Variants in RAD51B observed in about 807,000 individuals in gnomAD.
RAD51B encodes the protein DNA repair protein RAD51 homolog 2.
Under a neutral mutation model 42.2 loss-of-function variants are expected in RAD51B, and 38 were observed. The observed-to-expected ratio is 0.90, with a 90% confidence interval of 0.70 to 1.18. The LOEUF (loss-of-function observed/expected upper bound fraction) is 1.18. Among genes scored for constraint, RAD51B ranks in the 50% most tolerant of loss-of-function variants. The pLI is 0.00. For synonymous variants in RAD51B, 154 were observed against 145.2 expected (o/e 1.06, Z -0.43); for missense variants, 373 against 400.7 (o/e 0.93, Z 0.59).
chr14:68,002,170 A>G (rs1034926193), intron 7 of RAD51B, among the ~76,000 whole-genome samples: 5 of 152,176 alleles, frequency 3.3e-5, no homozygotes, highest in African/African-American at 9.7e-5. Context: ...CCAACAGTGT[A>G]AAAGTGTTCC....
chr14:68,027,777 G>A (rs2140362872), intron 7 of RAD51B, among the ~76,000 whole-genome samples: 2 of 152,212 alleles, frequency 1.3e-5, no homozygotes, highest in Middle Eastern at 6.8e-3. Flanking sequence ...TCAACTTTCT[G>A]CTGAATCTAG....
chr14:68,277,566 T>G (rs910684437), intron 7 of RAD51B, among the ~76,000 whole-genome samples: 3 of 152,204 alleles, frequency 2.0e-5, no homozygotes, highest in African/African-American at 2.4e-5. Context: ...AATATATACC[T>G]TATTGATGTT....
intron 7 of RAD51B, among the ~76,000 whole-genome samples, chr14:67,959,251 A>AT (rs879532529): frequency 1.2e-3 from 174 of 145,510 alleles, no homozygotes; most frequent in African/African-American, 2.5e-3. Context: ...TTTGGTCAAT[A>AT]TTTTTTTTTT....
intron 9 of RAD51B, among the ~76,000 whole-genome samples, chr14:68,439,134 G>C (rs2085218070): frequency 1.3e-5 from 2 of 149,304 alleles, no homozygotes; most frequent in African/African-American, 5.0e-5. Context: ...AGAAGTATGA[G>C]AGAAGCCATG....
chr14:67,942,371 C>T lies in RAD51B; in HGVS notation c.756+55167C>T, dbSNP rs990894805. On this transcript the variant is annotated intron_variant, in intron 7 of 10. Transcript: ENST00000471583. ...TTAAACTTCTAACAAATAAACATAT[C>T]CTAGTCCTATTATGGAAATCACAAT... is the stretch of plus-strand genomic sequence containing the variant. 6.6e-5 allele frequency among the ~76,000 whole-genome samples: 10 copies of T among 152,176 alleles called. No homozygotes were observed. In the East Asian group the frequency reaches 1.9e-3, roughly 29 times the overall value.
At chr14:68,146,318 C>T (rs551302155) in intron 7 of RAD51B, among the ~76,000 whole-genome samples, 5 of 152,110 alleles carry the variant, frequency 3.3e-5, no homozygotes, top group South Asian at 2.1e-4. Flanking sequence ...GATATGATGA[C>T]GTGCACCTGT....
intron 7 of RAD51B, among the ~76,000 whole-genome samples, chr14:68,199,011 A>G (rs994582464): frequency 2.0e-5 from 3 of 152,190 alleles, no homozygotes; most frequent in Non-Finnish European, 2.9e-5. Context: ...CCTCTCTCCT[A>G]CAGAGTACCC....
intron 7 of RAD51B, among the ~76,000 whole-genome samples, chr14:68,271,319 G>C (rs576873632): frequency 6.6e-6 from 1 of 152,300 alleles, no homozygotes; most frequent in East Asian, 1.9e-4. Flanking sequence ...TGACATCCTA[G>C]TGAAAAGACA....
At chr14:67,953,024 A>G (rs1487305402) in intron 7 of RAD51B, among the ~76,000 whole-genome samples, 1 of 152,160 alleles carries the variant, frequency 6.6e-6, no homozygotes, top group African/African-American at 2.4e-5. Context: ...ACAGAACACT[A>G]TGCTAAGCAT....
intron 10 of RAD51B, among the ~76,000 whole-genome samples, chr14:68,630,880 C>T (rs1447648132): frequency 3.9e-5 from 6 of 152,158 alleles, no homozygotes; most frequent in Non-Finnish European, 8.8e-5. Context: ...ATTTCAACAG[C>T]GTCACCTTTG....
chr14:68,033,412 T>A (rs2076075934), intron 7 of RAD51B, among the ~76,000 whole-genome samples: 1 of 152,190 alleles, frequency 6.6e-6, no homozygotes, highest in Admixed American at 6.5e-5. Flanking sequence ...ACTACAAACA[T>A]CAAATCTTTT....
chr14:68,296,281 A>AT (rs1365336435), intron 8 of RAD51B, among the ~76,000 whole-genome samples: 3 of 151,974 alleles, frequency 2.0e-5, no homozygotes, highest in African/African-American at 4.8e-5. Context: ...AGAAATAAGG[A>AT]TTTTTTCTAC....
chr14:68,134,676 A>G (rs2077971715), intron 7 of RAD51B, among the ~76,000 whole-genome samples: 1 of 152,090 alleles, frequency 6.6e-6, no homozygotes, highest in African/African-American at 2.4e-5. Context: ...TGACTAATTG[A>G]TGTTAAACAT....
chr14:68,109,934 T>C (rs1382799344), intron 7 of RAD51B, among the ~76,000 whole-genome samples: 2 of 152,022 alleles, frequency 1.3e-5, no homozygotes, highest in African/African-American at 4.8e-5. Context: ...AAGAGGAATA[T>C]AGTGTAAACT....
chr14:68,627,990 T>C (rs1007813191), intron 10 of RAD51B, among the ~76,000 whole-genome samples: 4 of 152,156 alleles, frequency 2.6e-5, no homozygotes, highest in African/African-American at 9.7e-5. Flanking sequence ...ACAACCAGTA[T>C]GTCTTCCAAA....
chr14:67,864,716 A>G (rs957231636), intron 4 of RAD51B: 21 of 517,148 alleles, frequency 4.1e-5, no homozygotes, highest in East Asian at 1.5e-4. Context: ...GCCTTTCTCA[A>G]CTAGAAGTTT....
intron 4 of RAD51B, among the ~76,000 whole-genome samples, chr14:67,844,753 A>T: frequency 6.6e-6 from 1 of 151,868 alleles, no homozygotes; most frequent in South Asian, 2.1e-4. Context: ...ATATCTACTA[A>T]TGCTATCCTT....
At chr14:68,488,461 G>A (rs1321942973) in intron 10 of RAD51B, among the ~76,000 whole-genome samples, 1 of 152,080 alleles carries the variant, frequency 6.6e-6, no homozygotes. Flanking sequence ...GGCTTGCTTA[G>A]TCCAGTTTTA....
intron 7 of RAD51B, among the ~76,000 whole-genome samples, chr14:68,246,332 G>A (rs2080499228): frequency 6.6e-6 from 1 of 152,088 alleles, no homozygotes; most frequent in African/African-American, 2.4e-5. Context: ...GACAAAAAAG[G>A]ATAGAAGTTC....
Sources: allele counts gnomAD v4.1 joint callset (sites outside exome capture counted in the v4.1 genomes callset), GRCh38; gene constraint gnomAD v4.1.1; transcripts MANE v1.5; gene names NCBI Gene and HGNC (gene_info 2026-07-23, HGNC 2026-07-21).